The following CPED1 variants were observed in gnomAD, a reference collection of about 807,000 sequenced individuals.
The protein encoded by CPED1 is cadherin-like and PC-esterase domain-containing protein 1.
Under a neutral mutation model 128.2 loss-of-function variants are expected in CPED1, and 114 were observed. The observed-to-expected ratio is 0.89, with a 90% CI of 0.76 to 1.04. The LOEUF (loss-of-function observed/expected upper bound fraction) is 1.04. Ranked by LOEUF, CPED1 falls within the 50% of genes least tolerant of loss-of-function variation. The probability of loss-of-function intolerance (pLI) is 0.00; values close to 1 mark genes in which losing one functional copy is unlikely to be tolerated. For missense variants in CPED1, 1,211 were observed against 1,207.1 expected (o/e 1.00, Z -0.05); for synonymous variants, 462 against 426.7 (o/e 1.08, Z -1.02).
intron 18 of CPED1, among the ~76,000 whole-genome samples, chr7:121,264,659 A>G (rs988089649): frequency 2.0e-5 from 3 of 152,082 alleles, no homozygotes; most frequent in African/African-American, 7.2e-5. Context: ...CAGATGGACA[A>G]ATACAGAAGT....
chr7:121,047,046 C>A (rs1207910040), intron 4 of CPED1, 53 bp downstream of exon 4: 15 of 1,043,000 alleles, frequency 1.4e-5, no homozygotes, highest in South Asian at 4.1e-5. Context: ...GATATTAACA[C>A]TGGCATTTCC....
intron 22 of CPED1, among the ~76,000 whole-genome samples, chr7:121,291,855 G>C (rs1353536143): frequency 6.6e-6 from 1 of 152,222 alleles, no homozygotes; most frequent in Non-Finnish European, 1.5e-5. Flanking sequence ...AGAGCAGTGA[G>C]AGAGGGCATC....
At chr7:121,167,127 C>T (rs1216931822) in intron 16 of CPED1, among the ~76,000 whole-genome samples, 1 of 152,216 alleles carries the variant, frequency 6.6e-6, no homozygotes, top group Non-Finnish European at 1.5e-5. Flanking sequence ...TAAAGTGACC[C>T]TCTAAGTCTG....
intron 16 of CPED1, among the ~76,000 whole-genome samples, chr7:121,210,837 T>A (rs1478096799): frequency 1.3e-5 from 2 of 151,988 alleles, no homozygotes; most frequent in East Asian, 3.9e-4. Flanking sequence ...AAAGAAATGA[T>A]GAGTACTCAA....
chr7:121,198,140 A>G (rs1055274835), intron 16 of CPED1, among the ~76,000 whole-genome samples: 1 of 152,144 alleles, frequency 6.6e-6, no homozygotes, highest in Non-Finnish European at 1.5e-5. Context: ...ATTACGCGAA[A>G]GACAAGGTGG....
rs1381284878 is a variant in CPED1 at position 121,127,195 on chromosome 7, G to A, written c.1240G>A (p.Glu414Lys). 3 of 1,593,444 alleles carry A rather than the reference G, an allele frequency of 1.9e-6. No individual in the cohort carries two copies. Among genetic ancestry groups the A allele is most frequent in the Non-Finnish European group, 2.6e-6 (3 of 1,163,474 alleles). The change falls in exon 10 of 23, where the codon GAA (glutamate) becomes AAA (lysine). Residue 414 changes from glutamate to lysine, a missense_variant. Coordinates refer to ENST00000310396, the MANE Select transcript of CPED1 (RefSeq NM_024913.5). ...NDTFNFLFPN[E>K]SSLSIFSEIF... ...CACTTTCAATTTTCTCTTCCCTAAT[G>A]AATCATCACTTTCCATATTTTCTGA... is the stretch of plus-strand genomic sequence containing the variant.
At chr7:121,142,261 T>A (rs557757095) in intron 16 of CPED1, 120 bp downstream of exon 16, 1 of 931,478 alleles carries the variant, frequency 1.1e-6, no homozygotes, top group South Asian at 1.9e-5. Flanking sequence ...AACTGTGGTC[T>A]CATTTCAAAA....
At chr7:121,060,101 G>C (rs1793616466) in intron 4 of CPED1, among the ~76,000 whole-genome samples, 1 of 152,228 alleles carries the variant, frequency 6.6e-6, no homozygotes, top group African/African-American at 2.4e-5. Flanking sequence ...GCAATGAGGG[G>C]CTTAGCACCC....
At chr7:121,040,713 A>T (rs183387217) in intron 3 of CPED1, among the ~76,000 whole-genome samples, 2 of 152,026 alleles carry the variant, frequency 1.3e-5, no homozygotes, top group Non-Finnish European at 2.9e-5. Flanking sequence ...ATCCTCACAT[A>T]TTATATTATA....
At chr7:121,266,678 CAT>C (rs767175110) in intron 19 of CPED1, 27 bp from the exon 20 acceptor site, 26 of 1,540,100 alleles carry the variant, frequency 1.7e-5, no homozygotes, top group Middle Eastern at 3.4e-4. Context: ...TTTAGGGCAA[CAT>C]GTGTTGTTTT....
intron 18 of CPED1, among the ~76,000 whole-genome samples, chr7:121,262,582 A>G (rs1036778692): frequency 3.3e-5 from 5 of 152,110 alleles, no homozygotes; most frequent in African/African-American, 9.6e-5. Context: ...AAGAGAAAAA[A>G]TAACCATGCA....
chr7:121,244,469 CT>C (rs1798478230), intron 18 of CPED1, 131 bp downstream of exon 18: 1 of 873,642 alleles, frequency 1.1e-6, no homozygotes. Flanking sequence ...TGCAATATGG[CT>C]TTTTGAATCA....
intron 4 of CPED1, among the ~76,000 whole-genome samples, chr7:121,060,222 C>A (rs890230199): frequency 2.0e-5 from 3 of 152,242 alleles, no homozygotes; most frequent in Non-Finnish European, 4.4e-5. Context: ...CCTCCCACCC[C>A]CTCCGTGGGC....
intron 18 of CPED1, among the ~76,000 whole-genome samples, chr7:121,251,099 T>C (rs922266014): frequency 6.6e-6 from 1 of 152,016 alleles, no homozygotes; most frequent in Non-Finnish European, 1.5e-5. Context: ...CAGCAACACA[T>C]CAAAAAACTT....
chr7:121,063,750 A>C (rs1442476804), intron 4 of CPED1, among the ~76,000 whole-genome samples: 1 of 152,148 alleles, frequency 6.6e-6, no homozygotes, highest in Non-Finnish European at 1.5e-5. Flanking sequence ...CATATATTTG[A>C]ATTTATGATA....
chr7:121,246,203 G>A (rs1348165525), intron 18 of CPED1, among the ~76,000 whole-genome samples: 10 of 152,140 alleles, frequency 6.6e-5, no homozygotes. Flanking sequence ...GTTCATTTAA[G>A]TTCATCACTA....
Position 121,084,341 on chromosome 7 carries a change from T to C in CPED1, c.617-13358T>C, listed in dbSNP as rs1021684000. The stretch of plus-strand genomic sequence containing the variant: ...CCCCAACTCTTTTATAAAGGAAAAT[T>C]AAGGTGAAAGTAATTTATAATATAA... On this transcript the variant is annotated intron_variant, in intron 5 of 22. Transcript: ENST00000310396. 3.3e-5 allele frequency among the ~76,000 whole-genome samples: 5 copies of C among 152,274 alleles called. 1 individual carries two copies. The East Asian group carries it at 7.7e-4, about 23-fold the overall frequency.
intron 16 of CPED1, among the ~76,000 whole-genome samples, chr7:121,164,469 C>CA (rs1563051368): frequency 6.6e-6 from 1 of 152,182 alleles, no homozygotes; most frequent in Non-Finnish European, 1.5e-5. Flanking sequence ...CTTAAGCATG[C>CA]ATTGAAATTT....
chr7:121,047,064 T>C (rs1435371946), intron 4 of CPED1, 71 bp downstream of exon 4: 1 of 966,798 alleles, frequency 1.0e-6, no homozygotes, highest in Non-Finnish European at 1.6e-6. Context: ...TCCTGGTCTA[T>C]AATGTTTAAG....
Sources: gnomAD v4.1 joint callset for allele counts (sites outside exome capture counted in the v4.1 genomes callset) on GRCh38, gnomAD v4.1.1 for gene constraint, MANE v1.5 for transcripts, NCBI Gene and HGNC (gene_info 2026-07-23, HGNC 2026-07-21) for gene names.